Variants in VWC2L observed in about 807,000 individuals in gnomAD.
VWC2L encodes von Willebrand factor C domain-containing protein 2-like.
In VWC2L, 10 loss-of-function variants were observed where a neutral mutation model predicts 21.6. The observed-to-expected ratio is 0.46, with a 90% CI of 0.29 to 0.78. The LOEUF (loss-of-function observed/expected upper bound fraction) is 0.78. VWC2L is among the 30% of genes least tolerant of loss of function. VWC2L has a pLI of 0.10. For synonymous variants in VWC2L, 96 were observed against 94.3 expected, an observed-to-expected ratio of 1.02 and a Z score of -0.10; for missense variants, 209 against 277.1, an observed-to-expected ratio of 0.75 and a Z score of 1.74.
At chr2:214,442,773 A>T (rs1165006533) in intron 3 of VWC2L, among the ~76,000 whole-genome samples, 1 of 152,152 alleles carries the variant, frequency 6.6e-6, no homozygotes, top group Non-Finnish European at 1.5e-5. Context: ...AATTGATACA[A>T]ACCAAAGATT....
At chr2:214,561,839 A>T (rs953452497) in intron 3 of VWC2L, among the ~76,000 whole-genome samples, 27 of 133,890 alleles carry the variant, frequency 2.0e-4, no homozygotes, top group African/African-American at 6.9e-4. Context: ...TATATATATA[A>T]TTTTTCATAT....
At chr2:214,502,495 A>C (rs1428930119) in intron 3 of VWC2L, among the ~76,000 whole-genome samples, 1 of 152,056 alleles carries the variant, frequency 6.6e-6, no homozygotes. Flanking sequence ...ACTTGAACCC[A>C]GGAGGCAGAG....
chr2:214,449,883 C>T (rs1164793621), intron 3 of VWC2L, among the ~76,000 whole-genome samples: 1 of 152,162 alleles, frequency 6.6e-6, no homozygotes, highest in Non-Finnish European at 1.5e-5. Flanking sequence ...TCCTTTTACC[C>T]ATTACTTTCA....
chr2:214,518,559 T>C (rs1689181392), intron 3 of VWC2L, among the ~76,000 whole-genome samples: 1 of 152,188 alleles, frequency 6.6e-6, no homozygotes, highest in South Asian at 2.1e-4. Flanking sequence ...AGAAATACTG[T>C]GAAGCATGAA....
intron 3 of VWC2L, among the ~76,000 whole-genome samples, chr2:214,545,469 T>C (rs1016328701): frequency 1.3e-5 from 2 of 152,206 alleles, no homozygotes; most frequent in African/African-American, 4.8e-5. Flanking sequence ...AAAGAGAATA[T>C]TTTAAGCAAG....
intron 3 of VWC2L, among the ~76,000 whole-genome samples, chr2:214,551,220 T>G (rs1689789225): frequency 6.6e-6 from 1 of 152,240 alleles, no homozygotes; most frequent in South Asian, 2.1e-4. Flanking sequence ...CATAACATGC[T>G]GCAAGTATAA....
Position 214,450,508 on chromosome 2 carries a change from G to C in VWC2L, c.520+13750G>C, listed in dbSNP as rs79567793. 8.4e-3 allele frequency among the ~76,000 whole-genome samples: 1,283 copies of C among 152,136 alleles called. 24 individuals carry two copies. Among genetic ancestry groups the C allele is most frequent in the African/African-American group, 0.029 (1,209 of 41,502 alleles). On this transcript the variant is annotated intron_variant, in intron 3 of 3. Coordinates refer to ENST00000312504, the MANE Select transcript of VWC2L (RefSeq NM_001080500.4). ...TTGAGGGAAAGAGTTGAAACATCAG[G>C]TATTAAACACATCAGTTTAGTTACA...
chr2:214,447,120 A>T (rs983855678), intron 3 of VWC2L, among the ~76,000 whole-genome samples: 6 of 152,120 alleles, frequency 3.9e-5, no homozygotes, highest in African/African-American at 1.4e-4. Context: ...TGGGAGTTGG[A>T]TATAGTTTCA....
At chr2:214,451,568 A>G (rs1416395664) in intron 3 of VWC2L, among the ~76,000 whole-genome samples, 1 of 152,178 alleles carries the variant, frequency 6.6e-6, no homozygotes, top group Non-Finnish European at 1.5e-5. Flanking sequence ...TAAGCTGCCA[A>G]GAAGGGCTAT....
intron 3 of VWC2L, among the ~76,000 whole-genome samples, chr2:214,475,717 G>C (rs1159074622): frequency 2.0e-5 from 3 of 150,772 alleles, no homozygotes; most frequent in African/African-American, 4.9e-5. Flanking sequence ...ATTTTTAAGT[G>C]AAATCTCCCT....
intron 2 of VWC2L, among the ~76,000 whole-genome samples, chr2:214,421,311 G>A (rs1262516246): frequency 6.6e-6 from 1 of 152,110 alleles, no homozygotes; most frequent in Admixed American, 6.5e-5. Flanking sequence ...AGAATAAATG[G>A]CTTCCAAATT....
intron 3 of VWC2L, among the ~76,000 whole-genome samples, chr2:214,564,471 GT>G (rs11399388): frequency 1.3e-5 from 2 of 150,900 alleles, no homozygotes; most frequent in East Asian, 3.9e-4. Flanking sequence ...AAAAATTGAT[GT>G]TTTTTTTTAT....
At chr2:214,533,797 T>C (rs543723525) in intron 3 of VWC2L, among the ~76,000 whole-genome samples, 1 of 152,266 alleles carries the variant, frequency 6.6e-6, no homozygotes, top group East Asian at 1.9e-4. Flanking sequence ...TTGAATTATC[T>C]GTATACAGCT....
chr2:214,534,450 C>T (rs1689492655), intron 3 of VWC2L, among the ~76,000 whole-genome samples: 1 of 152,032 alleles, frequency 6.6e-6, no homozygotes, highest in South Asian at 2.1e-4. Flanking sequence ...TGTTTGCAAG[C>T]ACCTTCCACT....
At chr2:214,474,635 C>G (rs189381686) in intron 3 of VWC2L, among the ~76,000 whole-genome samples, 1 of 152,170 alleles carries the variant, frequency 6.6e-6, no homozygotes, top group East Asian at 1.9e-4. Context: ...TGGCTTTGAG[C>G]AGGGCCTGTG....
chr2:214,454,598 C>CGTT (rs71399135), intron 3 of VWC2L, among the ~76,000 whole-genome samples: 1 of 64,134 alleles, frequency 1.6e-5, no homozygotes, highest in African/African-American at 6.4e-5. Context: ...GATTGATTTT[C>CGTT]TTTTTTTTTT....
At chr2:214,463,352 A>G (rs1317312396) in intron 3 of VWC2L, among the ~76,000 whole-genome samples, 1 of 152,128 alleles carries the variant, frequency 6.6e-6, no homozygotes, top group Non-Finnish European at 1.5e-5. Flanking sequence ...AGGAAATGAC[A>G]TTCTTCATGC....
At chr2:214,411,988 T>C (rs900633735) in intron 1 of VWC2L, among the ~76,000 whole-genome samples, 3 of 152,108 alleles carry the variant, frequency 2.0e-5, no homozygotes, top group Non-Finnish European at 4.4e-5. Context: ...TCTTAAATAG[T>C]ATCTTAAATT....
intron 3 of VWC2L, among the ~76,000 whole-genome samples, chr2:214,508,015 C>CG (rs1409204217): frequency 3.3e-5 from 5 of 152,116 alleles, no homozygotes; most frequent in Non-Finnish European, 5.9e-5. Context: ...CTCGCTCTGT[C>CG]GCCCAGGCTG....
Sources: gnomAD v4.1 joint callset for allele counts (sites outside exome capture counted in the v4.1 genomes callset) on GRCh38, gnomAD v4.1.1 for gene constraint, MANE v1.5 for transcripts, NCBI Gene and HGNC (gene_info 2026-07-23, HGNC 2026-07-21) for gene names.